Variants in GLIS3 observed in about 807,000 individuals in gnomAD.
GLIS3 encodes GLIS family zinc finger 3, also known as zinc finger protein GLIS3.
GLIS3 carries 53 observed loss-of-function variants against 78.6 expected under a neutral mutation model. That is an observed-to-expected ratio of 0.67 (90% confidence interval 0.54 to 0.85). The LOEUF is 0.85. GLIS3 is among the 40% of genes least tolerant of loss of function. The pLI is 0.00. For synonymous variants in GLIS3, 684 were observed against 509.9 expected, an observed-to-expected ratio of 1.34 and a Z score of -4.60; for missense variants, 1,703 against 1,231.1, an observed-to-expected ratio of 1.38 and a Z score of -5.74.
intron 4 of GLIS3, among the ~76,000 whole-genome samples, chr9:3,963,622 T>C (rs564361087): frequency 2.6e-5 from 4 of 152,196 alleles, no homozygotes; most frequent in Non-Finnish European, 5.9e-5. Context: ...TGCTGAATGA[T>C]AGAAGTTTCC....
rs58794068 is a variant in GLIS3, at chr9:4,319,983, T to TTGTGTG, written n.265-9461_265-9456dup. Reference sequence around the variant, plus strand: ...CCTTACAGTAGGTTAGTAGAGGGGGTTGTGTGTGTGTGTGTGTGTGTGTGT... The same window carrying TTGTGTG: ...CCTTACAGTAGGTTAGTAGAGGGGGTTGTGTGTGTGTGTGTGTGTGTGTGTGTGTGT... On this transcript the variant is annotated intron_variant and non_coding_transcript_variant, in intron 2 of 4. Coordinates refer to the GLIS3 transcript ENST00000471664. 6.6e-3 allele frequency among the ~76,000 whole-genome samples: 964 copies of TTGTGTG among 145,142 alleles called. 5 individuals are homozygous for TTGTGTG. Among genetic ancestry groups the TTGTGTG allele is most frequent in the Non-Finnish European group, 0.011 (706 of 65,720 alleles).
chr9:3,974,540 G>C (rs1465076406), intron 4 of GLIS3, among the ~76,000 whole-genome samples: 1 of 152,158 alleles, frequency 6.6e-6, no homozygotes, highest in Non-Finnish European at 1.5e-5. Context: ...AGACATATGA[G>C]GACTCTGCTA....
chr9:4,355,421 C>T, the GLIS3 span, among the ~76,000 whole-genome samples: 5 of 152,262 alleles, frequency 3.3e-5, no homozygotes, highest in South Asian at 6.2e-4. Flanking sequence ...ATAGGTATCA[C>T]TATGATTATT....
chr9:4,121,684 C>A (rs1341596400), intron 3 of GLIS3, among the ~76,000 whole-genome samples: 1 of 150,704 alleles, frequency 6.6e-6, no homozygotes, highest in South Asian at 2.1e-4. Context: ...TAGAGAAATA[C>A]AAGTGAAGCT....
intron 2 of GLIS3, among the ~76,000 whole-genome samples, chr9:4,160,831 T>A (rs1835414130): frequency 6.6e-6 from 1 of 152,214 alleles, no homozygotes; most frequent in Non-Finnish European, 1.5e-5. Context: ...AATATTTAAA[T>A]CAGCTGGTAA....
chr9:4,008,875 C>T (rs188546844), intron 4 of GLIS3, among the ~76,000 whole-genome samples: 6 of 152,062 alleles, frequency 3.9e-5, no homozygotes, highest in African/African-American at 1.2e-4. Flanking sequence ...AGGTGCATAA[C>T]ACGGTTATGC....
At chr9:4,355,992 C>T in the GLIS3 span, among the ~76,000 whole-genome samples, 7 of 152,152 alleles carry the variant, frequency 4.6e-5, no homozygotes, top group Admixed American at 2.6e-4. Flanking sequence ...TCTGTGTGTT[C>T]TATGGTACAA....
At chr9:4,340,841 G>T (rs1373512717) in intron 2 of GLIS3, among the ~76,000 whole-genome samples, 1 of 152,118 alleles carries the variant, frequency 6.6e-6, no homozygotes, top group Admixed American at 6.5e-5. Flanking sequence ...GATTATAGGT[G>T]TGGGTGACCC....
At chr9:4,112,591 G>C (rs1446515618) in intron 4 of GLIS3, among the ~76,000 whole-genome samples, 1 of 152,162 alleles carries the variant, frequency 6.6e-6, no homozygotes, top group Non-Finnish European at 1.5e-5. Context: ...TGATTCCAGT[G>C]TCAGCCAGGG....
rs547574348 is a variant in GLIS3 at position 4,264,419 on chromosome 9, T to A, written c.388+21619A>T. On this transcript the variant is annotated intron_variant, in intron 2 of 10. Transcript: ENST00000381971. ...TTTCCCATCCGGACTATTCTCAATA[T>A]GGTAACACGATGTCCTTTTTTAAAA... 2.0e-5 allele frequency among the ~76,000 whole-genome samples: 3 copies of A among 152,360 alleles called. No homozygotes were observed. The East Asian group carries it at 5.8e-4, about 29-fold the overall frequency.
intron 4 of GLIS3, among the ~76,000 whole-genome samples, chr9:4,053,990 C>G (rs1825937246): frequency 6.6e-6 from 1 of 152,052 alleles, no homozygotes; most frequent in Admixed American, 6.5e-5. Flanking sequence ...ACTTCAAGGT[C>G]AAAACAAAAA....
chr9:4,113,273 C>G (rs1379663879), intron 4 of GLIS3, among the ~76,000 whole-genome samples: 1 of 152,072 alleles, frequency 6.6e-6, no homozygotes, highest in Admixed American at 6.6e-5. Flanking sequence ...GTTATTTATA[C>G]TTTTTTGAAA....
At chr9:4,381,400 T>A in the GLIS3 span, among the ~76,000 whole-genome samples, 6 of 152,190 alleles carry the variant, frequency 3.9e-5, no homozygotes, top group Non-Finnish European at 8.8e-5. Context: ...TATGACATTA[T>A]CTTTGGATCC....
At chr9:3,908,794 A>G (rs1433801562) in intron 6 of GLIS3, among the ~76,000 whole-genome samples, 1 of 127,362 alleles carries the variant, frequency 7.9e-6, no homozygotes, top group Non-Finnish European at 1.5e-5. Context: ...TACTCCCGTC[A>G]TTTTCTCATT....
At chr9:4,221,540 T>G (rs1449588368) in intron 2 of GLIS3, among the ~76,000 whole-genome samples, 1 of 152,184 alleles carries the variant, frequency 6.6e-6, no homozygotes, top group Non-Finnish European at 1.5e-5. Flanking sequence ...AGCAAGAGGC[T>G]TCGAAATTTC....
intron 9 of GLIS3, 96 bp downstream of exon 9, chr9:3,855,913 A>G (rs1688413221): frequency 4.5e-6 from 6 of 1,324,632 alleles, no homozygotes; most frequent in Non-Finnish European, 6.5e-6. Flanking sequence ...CTGGTGTAGA[A>G]CAGAGCATCT....
At chr9:4,389,724 C>T in the GLIS3 span, among the ~76,000 whole-genome samples, 12 of 152,152 alleles carry the variant, frequency 7.9e-5, no homozygotes, top group African/African-American at 1.2e-4. Flanking sequence ...GACACACAGA[C>T]GGCACCGCAT....
chr9:4,188,858 T>A (rs926088791), intron 2 of GLIS3, among the ~76,000 whole-genome samples: 1 of 152,232 alleles, frequency 6.6e-6, no homozygotes, highest in African/African-American at 2.4e-5. Context: ...TTTATTATTT[T>A]TTATTGCATC....
intron 8 of GLIS3, among the ~76,000 whole-genome samples, chr9:3,862,514 T>A (rs1464212116): frequency 6.6e-6 from 1 of 152,232 alleles, no homozygotes; most frequent in Non-Finnish European, 1.5e-5. Context: ...TCTTTGTCAA[T>A]GTACACATTT....
Sources: allele counts gnomAD v4.1 joint callset (sites outside exome capture counted in the v4.1 genomes callset), GRCh38; gene constraint gnomAD v4.1.1; transcripts MANE v1.5; gene names NCBI Gene and HGNC (gene_info 2026-07-23, HGNC 2026-07-21).